The following SPAG16 variants were observed in gnomAD, a reference collection of about 807,000 sequenced individuals.
The protein encoded by SPAG16 is sperm associated antigen 16.
Under a neutral mutation model 80.4 loss-of-function variants are expected in SPAG16, and 86 were observed. That is an observed-to-expected ratio of 1.07 (90% CI 0.90 to 1.28). SPAG16 has a LOEUF of 1.28. SPAG16 is among the 50% of genes most tolerant of loss of function. The pLI is 0.00. For missense variants in SPAG16, 870 were observed against 765.3 expected, an observed-to-expected ratio of 1.14 and a Z score of -1.61; for synonymous variants, 294 against 265.9, an observed-to-expected ratio of 1.11 and a Z score of -1.03.
At chr2:213,574,966 C>T (rs1174515480) in intron 10 of SPAG16, among the ~76,000 whole-genome samples, 2 of 152,036 alleles carry the variant, frequency 1.3e-5, no homozygotes, top group African/African-American at 2.4e-5. Flanking sequence ...AATTTCTATC[C>T]ATAACCATTA....
intron 15 of SPAG16, among the ~76,000 whole-genome samples, chr2:214,372,138 A>G (rs1014116896): frequency 2.0e-5 from 3 of 152,168 alleles, no homozygotes; most frequent in African/African-American, 7.2e-5. Context: ...AGATTCATAC[A>G]GCAATCAGAT....
chr2:214,352,426 A>G (rs1397591639), intron 15 of SPAG16, among the ~76,000 whole-genome samples: 1 of 152,228 alleles, frequency 6.6e-6, no homozygotes, highest in African/African-American at 2.4e-5. Flanking sequence ...CCCAAATACT[A>G]TTGTAACATT....
chr2:214,306,560 C>T (rs1023437631), intron 15 of SPAG16, among the ~76,000 whole-genome samples: 1 of 152,064 alleles, frequency 6.6e-6, no homozygotes, highest in East Asian at 1.9e-4. Context: ...TTCAATACCT[C>T]GTTTATTGGA....
chr2:214,107,387 C>A (rs1224891420), intron 13 of SPAG16, among the ~76,000 whole-genome samples: 2 of 152,130 alleles, frequency 1.3e-5, no homozygotes, highest in Non-Finnish European at 1.5e-5. Context: ...AAGCACATAG[C>A]AAGACTCTCC....
intron 12 of SPAG16, among the ~76,000 whole-genome samples, chr2:213,944,470 A>G (rs2079353830): frequency 6.6e-6 from 1 of 152,190 alleles, no homozygotes; most frequent in African/African-American, 2.4e-5. Flanking sequence ...TTATTTTGGA[A>G]GTACATAACT....
chr2:214,042,076 T>C (rs1199978297), intron 13 of SPAG16, among the ~76,000 whole-genome samples: 1 of 147,486 alleles, frequency 6.8e-6, no homozygotes, highest in Non-Finnish European at 1.5e-5. Context: ...GGAAGTTTTC[T>C]TTTTCTTTTT....
intron 15 of SPAG16, among the ~76,000 whole-genome samples, chr2:214,360,888 G>A (rs1377684596): frequency 6.6e-6 from 1 of 151,774 alleles, no homozygotes; most frequent in African/African-American, 2.4e-5. Flanking sequence ...AGAAAAAAGC[G>A]AGGAATGTAG....
intron 10 of SPAG16, among the ~76,000 whole-genome samples, chr2:213,655,387 C>T (rs1255865576): frequency 6.6e-6 from 1 of 152,114 alleles, no homozygotes; most frequent in Non-Finnish European, 1.5e-5. Context: ...GGCTCTGGAC[C>T]CTAGATTATA....
intron 15 of SPAG16, among the ~76,000 whole-genome samples, chr2:214,224,811 C>G (rs1170513233): frequency 6.6e-6 from 1 of 152,140 alleles, no homozygotes; most frequent in African/African-American, 2.4e-5. Context: ...AGGCAACTTT[C>G]TAGAAACAGA....
chr2:213,631,201 A>C (rs944644087), intron 10 of SPAG16, among the ~76,000 whole-genome samples: 24 of 152,088 alleles, frequency 1.6e-4, no homozygotes, highest in African/African-American at 5.3e-4. Flanking sequence ...GTACCCCCCC[A>C]AAAAAAGACC....
intron 11 of SPAG16, among the ~76,000 whole-genome samples, chr2:213,876,426 T>G (rs2076146288): frequency 6.6e-6 from 1 of 152,072 alleles, no homozygotes; most frequent in Admixed American, 6.6e-5. Flanking sequence ...TCAAATTCCC[T>G]TTGGGATTCT....
chr2:213,352,665 T>C (rs2065398613), intron 7 of SPAG16, among the ~76,000 whole-genome samples: 1 of 152,326 alleles, frequency 6.6e-6, no homozygotes, highest in South Asian at 2.1e-4. Context: ...ACTTATTAAA[T>C]AGGGATAAAT....
intron 15 of SPAG16, among the ~76,000 whole-genome samples, chr2:214,310,986 C>T (rs574393297): frequency 1.3e-5 from 2 of 152,154 alleles, no homozygotes; most frequent in Admixed American, 1.3e-4. Context: ...CACAGCTATC[C>T]CAAAAAATGC....
chr2:214,377,592 C>G (rs1231137597), intron 15 of SPAG16, among the ~76,000 whole-genome samples: 1 of 152,094 alleles, frequency 6.6e-6, no homozygotes, highest in Non-Finnish European at 1.5e-5. Flanking sequence ...AAAATATGTG[C>G]TAATCGACTG....
chr2:213,359,350 G>A (rs2065848861), intron 7 of SPAG16, among the ~76,000 whole-genome samples: 1 of 152,222 alleles, frequency 6.6e-6, no homozygotes, highest in South Asian at 2.1e-4. Context: ...AGTTTCTGCT[G>A]CCTTTTGTTC....
rs374243041 is a variant in SPAG16 at position 213,987,549 on chromosome 2, C to T, written c.1401-26402C>T. On this transcript the variant is annotated intron_variant, in intron 12 of 15. Transcript: ENST00000331683. ...AAATACTCATTCATAAACTAATATA[C>T]CACTATTCATATTTCCATTTTTAGC... Among the ~76,000 whole-genome samples the T allele has an allele frequency of 5.3e-5, 8 of 152,144 alleles. No individual in the cohort carries two copies. In the East Asian group the frequency reaches 1.2e-3, roughly 22 times the overall value.
chr2:214,027,236 A>G (rs1023433508), intron 13 of SPAG16, among the ~76,000 whole-genome samples: 1 of 151,600 alleles, frequency 6.6e-6, no homozygotes, highest in African/African-American at 2.4e-5. Flanking sequence ...ATAATAGCAT[A>G]CTATAAATAT....
intron 8 of SPAG16, among the ~76,000 whole-genome samples, chr2:213,370,289 C>T (rs1313760530): frequency 6.6e-6 from 1 of 152,106 alleles, no homozygotes; most frequent in East Asian, 1.9e-4. Flanking sequence ...GAAGTAAAAA[C>T]ATTTATATGG....
intron 6 of SPAG16, among the ~76,000 whole-genome samples, chr2:213,342,865 A>G (rs1037885409): frequency 2.6e-5 from 4 of 151,770 alleles, no homozygotes; most frequent in South Asian, 2.1e-4. Context: ...GAGCAGGATG[A>G]TCAACCCACA....
Sources: gnomAD v4.1 joint callset for allele counts (sites outside exome capture counted in the v4.1 genomes callset) on GRCh38, gnomAD v4.1.1 for gene constraint, MANE v1.5 for transcripts, NCBI Gene and HGNC (gene_info 2026-07-23, HGNC 2026-07-21) for gene names.